DPH6: variants seen among roughly 807,000 people sequenced by gnomAD.
DPH6 encodes diphthamine biosynthesis 6.
A neutral mutation model predicts 38.2 loss-of-function variants in DPH6; 33 were observed. The ratio of observed to expected loss-of-function variants is 0.86; its 90% CI spans 0.65 to 1.15. The LOEUF (loss-of-function observed/expected upper bound fraction) is 1.15, where lower values mean the gene tolerates loss of function less well. DPH6 is among the 50% of genes most tolerant of loss of function. DPH6 has a pLI of 0.00. For synonymous variants in DPH6, 108 were observed against 103.0 expected (o/e 1.05, Z -0.30); for missense variants, 325 against 320.0 (o/e 1.02, Z -0.12).
At chr15:35,543,223 C>A (rs2055288358) in intron 1 of DPH6, among the ~76,000 whole-genome samples, 1 of 141,070 alleles carries the variant, frequency 7.1e-6, no homozygotes, top group Non-Finnish European at 1.5e-5. Context: ...GCACTTCAGC[C>A]ATCTCTACAC....
At chr15:35,468,333 C>T in intron 3 of DPH6, among the ~76,000 whole-genome samples, 1 of 152,224 alleles carries the variant, frequency 6.6e-6, no homozygotes, top group East Asian at 1.9e-4. Flanking sequence ...GAATTAAACA[C>T]CAGGTGAATA....
chr15:35,436,282 T>A (rs56034763), intron 5 of DPH6, among the ~76,000 whole-genome samples: 2 of 150,688 alleles, frequency 1.3e-5, no homozygotes, highest in Non-Finnish European at 1.5e-5. Flanking sequence ...TTGGCTAACA[T>A]GGTGAAACCC....
chr15:35,300,032 G>A (rs2140801519), intron 3 of DPH6, among the ~76,000 whole-genome samples: 1 of 152,322 alleles, frequency 6.6e-6, no homozygotes, highest in African/African-American at 2.4e-5. Context: ...GCTTGTACTA[G>A]GACTGTGAGC....
At chr15:35,423,106 T>A (rs1410540898) in intron 5 of DPH6, among the ~76,000 whole-genome samples, 1 of 151,878 alleles carries the variant, frequency 6.6e-6, no homozygotes, top group Non-Finnish European at 1.5e-5. Flanking sequence ...CATACAGTAG[T>A]TACATTTTAA....
chr15:35,382,880 CA>C (rs1010190302), intron 6 of DPH6, among the ~76,000 whole-genome samples: 7 of 151,300 alleles, frequency 4.6e-5, no homozygotes, highest in Non-Finnish European at 8.8e-5. Flanking sequence ...CAGCAAAACA[CA>C]AAAAAACCTA....
intron 3 of DPH6, among the ~76,000 whole-genome samples, chr15:35,484,757 C>T (rs1731764738): frequency 6.6e-6 from 1 of 152,160 alleles, no homozygotes; most frequent in Non-Finnish European, 1.5e-5. Context: ...TACAAAAGGG[C>T]ATGAATACCA....
chr15:35,464,025 G>A (rs182566003), intron 3 of DPH6, among the ~76,000 whole-genome samples: 7 of 152,332 alleles, frequency 4.6e-5, no homozygotes, highest in Admixed American at 3.9e-4. Flanking sequence ...GCTGGGCGTG[G>A]TGGCTCACAC....
chr15:35,448,396 A>G (rs2053884384), intron 5 of DPH6, among the ~76,000 whole-genome samples: 1 of 152,172 alleles, frequency 6.6e-6, no homozygotes, highest in Non-Finnish European at 1.5e-5. Context: ...ACTGTGGAAG[A>G]AAGAGTGCAG....
At chr15:35,237,650 C>T (rs1393536953) in intron 3 of DPH6, 2 of 1,613,258 alleles carry the variant, frequency 1.2e-6, no homozygotes, top group African/African-American at 1.3e-5. Context: ...AACAGAGCCA[C>T]TGAAAAACTT....
chr15:35,444,887 A>G (rs1424339284), intron 5 of DPH6, among the ~76,000 whole-genome samples: 5 of 81,384 alleles, frequency 6.1e-5, no homozygotes, highest in African/African-American at 1.3e-4. Context: ...CCTCAAGACC[A>G]TTACTAAAAA....
chr15:35,423,053 T>A (rs1042271034), intron 5 of DPH6, among the ~76,000 whole-genome samples: 1 of 151,914 alleles, frequency 6.6e-6, no homozygotes, highest in Non-Finnish European at 1.5e-5. Context: ...AGATATTGAT[T>A]TAATTTCCTT....
At chr15:35,425,376 A>G (rs1337352444) in intron 5 of DPH6, among the ~76,000 whole-genome samples, 1 of 151,620 alleles carries the variant, frequency 6.6e-6, no homozygotes, top group Non-Finnish European at 1.5e-5. Flanking sequence ...CATGAAAGCT[A>G]TTATAGTGTA....
At chr15:35,480,615 C>T (rs962954203) in intron 3 of DPH6, among the ~76,000 whole-genome samples, 1 of 151,938 alleles carries the variant, frequency 6.6e-6, no homozygotes, top group Non-Finnish European at 1.5e-5. Context: ...CTATTTTAAA[C>T]AAGCTCAATA....
chr15:35,430,179 A>C (rs1359298728), intron 5 of DPH6, among the ~76,000 whole-genome samples: 1 of 152,168 alleles, frequency 6.6e-6, no homozygotes, highest in African/African-American at 2.4e-5. Context: ...AAGCAGTTTG[A>C]AGTCATGTGA....
intron 5 of DPH6, among the ~76,000 whole-genome samples, chr15:35,433,294 T>C (rs749140450): frequency 2.6e-5 from 4 of 152,136 alleles, no homozygotes; most frequent in South Asian, 2.1e-4. Context: ...CCAACAAGTA[T>C]AGGCAAGGAT....
chr15:35,237,222 C>G lies in DPH6; in HGVS notation n.201-16640G>C, dbSNP rs1303205467. The stretch of plus-strand genomic sequence containing the variant: ...GCGTGTGCCGGGGGTGCTGGGGGCT[C>G]GAGAACTGAGCGGAGCTGGTTGAGC... On this transcript the variant is annotated intron_variant and non_coding_transcript_variant, in intron 3 of 3. Coordinates refer to the DPH6 transcript ENST00000560386. 1.4e-5 allele frequency: 14 copies of G among 1,007,692 alleles called. No individual in the cohort carries two copies. In the African/African-American group the frequency reaches 1.9e-4, roughly 14 times the overall value. 62.4% of individuals were successfully genotyped at this position (1,007,692 alleles called of 1,614,324 possible). A position where few individuals can be genotyped will look rare whatever the true frequency, so the allele number is the denominator to read the frequency against.
chr15:35,175,125 T>C, the DPH6 span, among the ~76,000 whole-genome samples: 1 of 152,218 alleles, frequency 6.6e-6, no homozygotes, highest in East Asian at 1.9e-4. Flanking sequence ...GTAATAGCCT[T>C]TTTGTATACC....
chr15:35,304,119 G>A (rs1030975054), intron 3 of DPH6, among the ~76,000 whole-genome samples: 8 of 152,008 alleles, frequency 5.3e-5, no homozygotes, highest in Non-Finnish European at 1.2e-4. Context: ...TTGATTAAAT[G>A]ATATATTTAT....
At chr15:35,253,159 C>A (rs1022195698) in intron 3 of DPH6, among the ~76,000 whole-genome samples, 3 of 152,130 alleles carry the variant, frequency 2.0e-5, no homozygotes, top group African/African-American at 4.8e-5. Flanking sequence ...AAGCATAGAA[C>A]AGAAAAATAT....
Sources: gnomAD v4.1 joint callset for allele counts (sites outside exome capture counted in the v4.1 genomes callset) on GRCh38, gnomAD v4.1.1 for gene constraint, MANE v1.5 for transcripts, NCBI Gene and HGNC (gene_info 2026-07-23, HGNC 2026-07-21) for gene names.